The following WBP2 variants were observed in gnomAD, a reference collection of about 807,000 sequenced individuals.
WBP2 encodes the protein WW domain-binding protein 2.
WBP2 carries 23 observed loss-of-function variants against 33.0 expected under a neutral mutation model. The ratio of observed to expected loss-of-function variants is 0.70; its 90% CI spans 0.50 to 0.99. The LOEUF (loss-of-function observed/expected upper bound fraction) is 0.99. Among genes scored for constraint, WBP2 ranks in the 50% least tolerant of loss-of-function variants. The pLI is 0.00. For missense variants in WBP2, 353 were observed against 358.0 expected (o/e 0.99, Z 0.11); for synonymous variants, 153 against 133.5 (o/e 1.15, Z -1.01).
intron 4 of WBP2, 174 bp from the exon 5 acceptor site, chr17:75,848,104 TGA>T: frequency 2.3e-6 from 2 of 880,278 alleles, no homozygotes; most frequent in Non-Finnish European, 3.5e-6. Context: ...TGGTCAGGGA[TGA>T]GAGAGGACGG....
chr17:75,851,722 C>T (rs372135125), intron 1 of WBP2, 46 bp from the exon 2 acceptor site: 48 of 1,442,020 alleles, frequency 3.3e-5, no homozygotes, highest in Middle Eastern at 3.5e-4. Flanking sequence ...AGTATGGAGA[C>T]GCGACGTCAC....
chr17:75,846,910 TG>T lies in WBP2; in HGVS notation c.729del (p.Thr244ArgfsTer56), dbSNP rs2064996128. 1.2e-6 allele frequency: 2 copies of T among 1,613,990 alleles called. No homozygotes were observed. Among genetic ancestry groups the T allele is most frequent in the Admixed American group, 3.3e-5 (2 of 59,986 alleles). On this transcript the variant is annotated frameshift_variant, in exon 7 of 8. Transcript: ENST00000254806. LOFTEE classifies it high-confidence loss of function. The surrounding 1 kb of genome is among the most constrained non-coding windows in gnomAD (Gnocchi z 4.8). ...NPGNPHNVYM[P>X]TSQPPPPPYY... ...CCGGCACTGCCAAGCCCTCTCACCG[TG>T]GGCATGTAGACGTTGTGAGGATTGC...
intron 1 of WBP2, chr17:75,852,484 C>G (rs1193204133): frequency 2.1e-5 from 3 of 145,490 alleles, no homozygotes; most frequent in African/African-American, 7.6e-5. Context: ...GAGACGGAGT[C>G]TCACTCTGTC....
intron 1 of WBP2, chr17:75,854,996 G>GGGGGCCCCATACC: frequency 1.8e-6 from 1 of 562,576 alleles, no homozygotes; most frequent in South Asian, 2.2e-5. Flanking sequence ...AGGCCCCACC[G>GGGGGCCCCATACC]GGGGCCCCAT....
chr17:75,855,989 C>T (rs1471365884), upstream of WBP2, among the ~76,000 whole-genome samples: 3 of 152,202 alleles, frequency 2.0e-5, no homozygotes, highest in Non-Finnish European at 4.4e-5. Context: ...AGGCCGTGTG[C>T]CCCGCCTGGC....
intron 1 of WBP2, among the ~76,000 whole-genome samples, chr17:75,853,838 G>T (rs1242252978): frequency 1.3e-5 from 2 of 152,074 alleles, no homozygotes; most frequent in Admixed American, 6.6e-5. Context: ...GAGGTCAGGA[G>T]TTCGAGACCA....
intron 6 of WBP2, 22 bp downstream of exon 6, chr17:75,847,465 G>A: frequency 6.3e-7 from 1 of 1,584,808 alleles, no homozygotes; most frequent in Non-Finnish European, 8.6e-7. Context: ...CCGAAGGGCT[G>A]CCAGCACCCA....
chr17:75,854,968 G>T (rs982217154), intron 1 of WBP2, among the ~76,000 whole-genome samples: 2 of 152,094 alleles, frequency 1.3e-5, no homozygotes, highest in African/African-American at 4.8e-5. Flanking sequence ...TCTGGGAAGG[G>T]GTTCAAGAAT....
In WBP2 at chr17:75,846,646, G is replaced by A. The variant is rs1599419225; in HGVS notation, c.*88C>T. The A allele has an allele frequency of 2.1e-6, 3 of 1,402,918 alleles. No individual in the cohort carries two copies. Among genetic ancestry groups the A allele is most frequent in the African/African-American group, 1.4e-5 (1 of 69,458 alleles). 86.9% of individuals were successfully genotyped at this position (1,402,918 alleles called of 1,614,324 possible). On this transcript the variant is annotated 3_prime_UTR_variant, in exon 8 of 8. Coordinates refer to ENST00000254806, the MANE Select transcript of WBP2 (RefSeq NM_012478.4). This position sits in a 1 kb window ranked among gnomAD's most constrained non-coding sequence, Gnocchi z 4.8. The stretch of plus-strand genomic sequence containing the variant: ...ATCAGACCTGGAGGGAGAACAAGGC[G>A]CCCCCTCCCCTCCCCAAGCCCCAGC...
At chr17:75,855,412 G>T, upstream of WBP2, 2 of 1,243,108 alleles carry the variant, frequency 1.6e-6, no homozygotes, top group Non-Finnish European at 2.3e-6. Flanking sequence ...CGAGTGCGGA[G>T]GCTGGCCCAA....
chr17:75,849,337 C>T lies in WBP2; in HGVS notation c.304+267G>A, dbSNP rs916805389. 17 of 387,428 alleles carry T rather than the reference C, an allele frequency of 4.4e-5. No homozygotes were observed. In the East Asian group the frequency reaches 5.5e-4, roughly 13 times the overall value. The allele number at this position is 387,428 out of a possible 1,614,324, so 24.0% of individuals were successfully genotyped here. On this transcript the variant is annotated intron_variant, in intron 3 of 7. Transcript: ENST00000254806. ...CCTGAGTCTAAAATTTGTATGCGCT[C>T]GCCAAGTTGCACTAAGCATCTTGAC...
intron 1 of WBP2, 29 bp downstream of exon 1, chr17:75,855,210 C>T: frequency 1.5e-6 from 2 of 1,309,736 alleles, no homozygotes; most frequent in Non-Finnish European, 2.1e-6. Context: ...GAACTTTGGT[C>T]CTCCAGGATC....
In WBP2 at chr17:75,849,736, T is replaced by C. The variant is rs2143923749; in HGVS notation, c.172A>G (p.Ile58Val). The stretch of plus-strand genomic sequence containing the variant: ...GCATCCTTGCCCTTGGACAGAAAGA[T>C]GACCTGCAGGGAGAGAGGGTGAGGC... ...GTVYLTPYRVIFLSKGKDAMQ... is the reference protein window; with the variant it reads ...GTVYLTPYRVVFLSKGKDAMQ... Residue 58 changes from isoleucine to valine, a missense_variant, in exon 3 of 8, where the codon ATC becomes GTC. Coordinates refer to ENST00000254806, the MANE Select transcript of WBP2 (RefSeq NM_012478.4). 6.2e-7 allele frequency: 1 copy of C among 1,614,034 alleles called. No homozygotes were observed. The highest frequency in any genetic ancestry group is 8.5e-7 in the Non-Finnish European group (1 of 1,180,006).
chr17:75,853,960 G>A (rs949901230), intron 1 of WBP2, among the ~76,000 whole-genome samples: 3 of 145,300 alleles, frequency 2.1e-5, no homozygotes, highest in Non-Finnish European at 3.0e-5. Flanking sequence ...CAGGATAATC[G>A]CTTGAACCCA....
chr17:75,852,597 A>C (rs980065179), intron 1 of WBP2: 1 of 156,172 alleles, frequency 6.4e-6, no homozygotes. Context: ...CTGGGACTAC[A>C]GGCGCCCGCC....
chr17:75,855,184 C>CCCAAAA, intron 1 of WBP2, 55 bp downstream of exon 1: 1 of 1,514,164 alleles, frequency 6.6e-7, no homozygotes, highest in Non-Finnish European at 9.1e-7. Flanking sequence ...ACCCACCGCC[C>CCCAAAA]ACTTCCTCGA....
chr17:75,849,825 T>C lies in WBP2; in HGVS notation c.169-86A>G, dbSNP rs550740980. The C allele has an allele frequency of 1.6e-5, 24 of 1,536,664 alleles. No homozygotes were observed. In the South Asian group the frequency reaches 2.9e-4, roughly 18 times the overall value. On this transcript the variant is annotated intron_variant, in intron 2 of 7. Transcript: ENST00000254806. ...CCGCCTGCTTCCTGGGAGTGACGAA[T>C]CCTCTCCCAGTGCCAGGGTCCAGCA...
intron 1 of WBP2, among the ~76,000 whole-genome samples, chr17:75,853,533 A>T (rs926016872): frequency 6.6e-6 from 1 of 152,194 alleles, no homozygotes; most frequent in African/African-American, 2.4e-5. Flanking sequence ...AGTTCCACAG[A>T]GACAGAAAGA....
chr17:75,855,440 C>A, upstream of WBP2: 1 of 823,336 alleles, frequency 1.2e-6, no homozygotes, highest in Non-Finnish European at 2.0e-6. Context: ...ACCCGAACGT[C>A]ACGTGGTAAT....
Sources: gnomAD v4.1 joint callset for allele counts (sites outside exome capture counted in the v4.1 genomes callset) on GRCh38, gnomAD v4.1.1 for gene constraint, Gnocchi (gnomAD v3.1) non-coding constraint, MANE v1.5 for transcripts, NCBI Gene and HGNC (gene_info 2026-07-23, HGNC 2026-07-21) for gene names.